The following ADARB2 variants were observed in gnomAD, a reference collection of about 807,000 sequenced individuals.
ADARB2 encodes the protein inactive double-stranded RNA-specific editase B2.
Under a neutral mutation model 62.2 loss-of-function variants are expected in ADARB2, and 25 were observed. That is an observed-to-expected ratio of 0.40 (90% CI 0.29 to 0.56). The LOEUF (loss-of-function observed/expected upper bound fraction) is 0.56, where lower values mean the gene tolerates loss of function less well. ADARB2 is among the 20% of genes least tolerant of loss of function. ADARB2 has a pLI of 0.43. For missense variants in ADARB2, 1,071 were observed against 1,077.4 expected (o/e 0.99, Z 0.08); for synonymous variants, 572 against 500.8 (o/e 1.14, Z -1.90).
At chr10:1,214,559 C>G (rs927825450) in intron 7 of ADARB2, among the ~76,000 whole-genome samples, 2 of 152,320 alleles carry the variant, frequency 1.3e-5, no homozygotes, top group African/African-American at 4.8e-5. Context: ...GACCTGCCGG[C>G]GTCGCGTGGG....
chr10:1,242,416 T>G, intron 4 of ADARB2, 117 bp from the exon 5 acceptor site: 2 of 1,330,340 alleles, frequency 1.5e-6, no homozygotes, highest in Non-Finnish European at 2.0e-6. Context: ...TTGGAAACAC[T>G]GCGTTTTGAG....
At chr10:1,676,844 A>G (rs552117682) in intron 1 of ADARB2, among the ~76,000 whole-genome samples, 2 of 152,058 alleles carry the variant, frequency 1.3e-5, no homozygotes, top group Admixed American at 6.6e-5. Flanking sequence ...CAGGGGAAGC[A>G]TGAAGAGGAT....
chr10:1,199,827 G>A (rs1219385401), intron 8 of ADARB2, 139 bp downstream of exon 8: 5 of 894,716 alleles, frequency 5.6e-6, no homozygotes, highest in Non-Finnish European at 8.1e-6. Context: ...TTTTAAAATC[G>A]TAGGACTTTG....
At chr10:1,351,542 T>G (rs1832140838) in intron 3 of ADARB2, among the ~76,000 whole-genome samples, 1 of 152,052 alleles carries the variant, frequency 6.6e-6, no homozygotes, top group Non-Finnish European at 1.5e-5. Context: ...CCCTGACTAT[T>G]CCCTGACTAT....
At chr10:1,712,728 C>A (rs941912008) in intron 1 of ADARB2, among the ~76,000 whole-genome samples, 1 of 142,146 alleles carries the variant, frequency 7.0e-6, no homozygotes, top group Non-Finnish European at 1.5e-5. Flanking sequence ...CCTGCCTCAG[C>A]CTCCCGAGTA....
At chr10:1,655,588 A>G (rs1834163678) in intron 1 of ADARB2, among the ~76,000 whole-genome samples, 1 of 152,228 alleles carries the variant, frequency 6.6e-6, no homozygotes, top group Admixed American at 6.5e-5. Flanking sequence ...CTGCATTTTC[A>G]AACATTCTAT....
chr10:1,277,318 G>A (rs972897517), intron 3 of ADARB2, among the ~76,000 whole-genome samples: 4 of 152,190 alleles, frequency 2.6e-5, no homozygotes, highest in African/African-American at 9.7e-5. Context: ...GAATCCTGGA[G>A]CTGGTTTTTT....
intron 3 of ADARB2, among the ~76,000 whole-genome samples, chr10:1,356,612 G>A (rs1184841383): frequency 6.6e-6 from 1 of 152,178 alleles, no homozygotes; most frequent in African/African-American, 2.4e-5. Flanking sequence ...GCCTTCCAGG[G>A]AAGCCTTAGG....
intron 1 of ADARB2, among the ~76,000 whole-genome samples, chr10:1,424,457 G>C (rs146263181): frequency 2.6e-5 from 4 of 152,250 alleles, no homozygotes; most frequent in Non-Finnish European, 5.9e-5. Flanking sequence ...TTAATGACTC[G>C]TGGCAAAGTG....
At chr10:1,493,729 C>CTTTTTTTTTTTTTTTTTTT (rs555812632) in intron 1 of ADARB2, among the ~76,000 whole-genome samples, 5 of 56,846 alleles carry the variant, frequency 8.8e-5, no homozygotes, top group Admixed American at 2.5e-4. Context: ...ATATGGCATT[C>CTTTTTTTTTTTTTTTTTTT]TTTTTTTTTT....
chr10:1,572,117 G>A (rs1045657721), intron 1 of ADARB2, among the ~76,000 whole-genome samples: 5 of 148,502 alleles, frequency 3.4e-5, no homozygotes, highest in African/African-American at 1.2e-4. Flanking sequence ...GTGGACAGGT[G>A]AGTAGGCAGG....
chr10:1,205,254 G>C (rs552378872), intron 7 of ADARB2, among the ~76,000 whole-genome samples: 1 of 149,886 alleles, frequency 6.7e-6, no homozygotes, highest in Admixed American at 6.6e-5. Context: ...GAGTACACGA[G>C]GGCCTTGTTG....
At chr10:1,444,137 C>A (rs1432154150) in intron 1 of ADARB2, among the ~76,000 whole-genome samples, 1 of 151,548 alleles carries the variant, frequency 6.6e-6, no homozygotes, top group African/African-American at 2.4e-5. Context: ...CATCTACCCA[C>A]CCACTCACTC....
chr10:1,734,805 T>G (rs1044224381), intron 1 of ADARB2, among the ~76,000 whole-genome samples: 6 of 152,236 alleles, frequency 3.9e-5, no homozygotes, highest in Middle Eastern at 3.2e-3. Context: ...TAATATCAGA[T>G]AAGCTTAAAA....
At chr10:1,250,955 A>C (rs1305150826) in intron 4 of ADARB2, among the ~76,000 whole-genome samples, 1 of 152,204 alleles carries the variant, frequency 6.6e-6, no homozygotes, top group East Asian at 1.9e-4. Flanking sequence ...AATTTAGTAT[A>C]GGACAAAGGT....
At chr10:1,496,449 G>A (rs1055973729) in intron 1 of ADARB2, among the ~76,000 whole-genome samples, 2 of 150,748 alleles carry the variant, frequency 1.3e-5, no homozygotes, top group Non-Finnish European at 3.0e-5. Context: ...ATTATCATTA[G>A]TATCAACATT....
chr10:1,327,780 TCCC>T (rs1397955858), intron 3 of ADARB2, among the ~76,000 whole-genome samples: 10 of 74,866 alleles, frequency 1.3e-4, no homozygotes, highest in Non-Finnish European at 2.2e-4. Flanking sequence ...GCTCAGCGCC[TCCC>T]CACAGCACAG....
intron 1 of ADARB2, among the ~76,000 whole-genome samples, chr10:1,539,892 C>A (rs890099348): frequency 6.6e-6 from 1 of 152,102 alleles, no homozygotes; most frequent in African/African-American, 2.4e-5. Context: ...GGTATTGGGT[C>A]GGAAGTAGCT....
chr10:1,250,069 TAAAC>T (rs1264092107), intron 4 of ADARB2, among the ~76,000 whole-genome samples: 8 of 102,694 alleles, frequency 7.8e-5, no homozygotes, highest in African/African-American at 1.1e-4. Flanking sequence ...CAACAAAATT[TAAAC>T]AAACAGAAAG....
Sources: allele counts gnomAD v4.1 joint callset (sites outside exome capture counted in the v4.1 genomes callset), GRCh38; gene constraint gnomAD v4.1.1; transcripts MANE v1.5; gene names NCBI Gene and HGNC (gene_info 2026-07-23, HGNC 2026-07-21).